CCT8: variants seen among roughly 807,000 people sequenced by gnomAD.
CCT8 encodes the protein T-complex protein 1 subunit theta.
Under a neutral mutation model 65.7 loss-of-function variants are expected in CCT8, and 10 were observed. The ratio of observed to expected loss-of-function variants is 0.15; its 90% CI spans 0.09 to 0.26. The LOEUF is 0.26. CCT8 is among the 10% of genes least tolerant of loss of function. The probability of loss-of-function intolerance (pLI) is 1.00; values close to 1 mark genes in which losing one functional copy is unlikely to be tolerated. For missense variants in CCT8, 568 were observed against 669.1 expected (o/e 0.85, Z 1.67); for synonymous variants, 199 against 221.8 (o/e 0.90, Z 0.92).
intron 1 of CCT8, among the ~76,000 whole-genome samples, chr21:29,071,471 C>G (rs2085679605): frequency 6.6e-6 from 1 of 150,968 alleles, no homozygotes; most frequent in South Asian, 2.1e-4. Context: ...TCTCAGCTCA[C>G]TGCAACCTGG....
At chr21:29,071,603 C>T (rs967793375) in intron 1 of CCT8, among the ~76,000 whole-genome samples, 2 of 152,026 alleles carry the variant, frequency 1.3e-5, no homozygotes, top group Non-Finnish European at 2.9e-5. Flanking sequence ...ACCATGTTGG[C>T]CAGGAACTCC....
rs767175745 is a variant in CCT8 at position 29,060,579 on chromosome 21, C to T, written c.1531G>A (p.Ala511Thr). 5 of 1,613,720 alleles carry T rather than the reference C, an allele frequency of 3.1e-6. No individual in the cohort carries two copies. The highest frequency in any genetic ancestry group is 4.2e-6 in the Non-Finnish European group (5 of 1,179,810). Residue 511 changes from alanine to threonine, a missense_variant, in exon 14 of 15, where the codon GCT becomes ACT. Ala to Thr is a moderately conservative substitution (Grantham distance 58). Coordinates refer to ENST00000286788, the MANE Select transcript of CCT8 (RefSeq NM_006585.4). ...YLGKYWAIKLATNAAVTVLRV... is the reference protein window; with the variant it reads ...YLGKYWAIKLTTNAAVTVLRV... Reference sequence around the variant, plus strand: ...AGTACAGTGACTGCAGCATTAGTAGCGAGTTTGATAGCCCAATATTTTCCC... The same window carrying T: ...AGTACAGTGACTGCAGCATTAGTAGTGAGTTTGATAGCCCAATATTTTCCC...
At chr21:29,057,801 CATATGTATGATATATACATATG>C (rs920684039) in intron 14 of CCT8, among the ~76,000 whole-genome samples, 4 of 131,466 alleles carry the variant, frequency 3.0e-5, no homozygotes, top group Non-Finnish European at 6.1e-5. Context: ...ATGATATATA[CATATGTATGATATATACATATG>C]ATATGTGTGA....
chr21:29,073,174 T>C (rs755046963), intron 1 of CCT8: 35 of 780,882 alleles, frequency 4.5e-5, no homozygotes, highest in Non-Finnish European at 5.5e-5. Context: ...CAAGACAATT[T>C]CATCTACGTT....
chr21:29,072,000 G>A (rs1220537639), intron 1 of CCT8: 3 of 692,958 alleles, frequency 4.3e-6, no homozygotes, highest in South Asian at 1.5e-5. Context: ...TGTTGTTGTT[G>A]TTGTTGTTTT....
rs937526007 is a variant in CCT8 at position 29,056,331 on chromosome 21, C to T, written c.*144G>A. 1 of 455,770 alleles carries T rather than the reference C, an allele frequency of 2.2e-6. No individual in the cohort carries two copies. The highest frequency in any genetic ancestry group is 3.8e-6 in the Non-Finnish European group (1 of 260,372). 28.2% of individuals were successfully genotyped at this position (455,770 alleles called of 1,614,324 possible). ...TGGTCATTAGACAATAAGGCTTTGA[C>T]AGTAACAATATGTTTATTATAACAT... On this transcript the variant is annotated 3_prime_UTR_variant, in exon 15 of 15. Transcript: ENST00000286788.
chr21:29,060,740 C>G, intron 13 of CCT8, 80 bp from the exon 14 acceptor site: 2 of 1,447,116 alleles, frequency 1.4e-6, no homozygotes, highest in Non-Finnish European at 1.9e-6. Context: ...CCTCACATAG[C>G]TCCTTAAATA....
chr21:29,069,557 C>T (rs527796862), intron 2 of CCT8, 55 bp from the exon 3 acceptor site: 2 of 1,010,110 alleles, frequency 2.0e-6, no homozygotes, highest in East Asian at 2.6e-5. Context: ...TCAAATCCTT[C>T]CCCAAATACC....
chr21:29,068,490 T>C (rs910134759), intron 3 of CCT8, among the ~76,000 whole-genome samples: 11 of 152,130 alleles, frequency 7.2e-5, no homozygotes, highest in Non-Finnish European at 1.3e-4. Flanking sequence ...GATGGAGTCT[T>C]GCTCTGTCGC....
rs1179148474 is a variant in CCT8, at chr21:29,070,239, G to C, written c.151+8C>G. The C allele has an allele frequency of 6.5e-7, 1 of 1,545,446 alleles. No individual in the cohort carries two copies. Among genetic ancestry groups the C allele is most frequent in the Non-Finnish European group, 8.9e-7 (1 of 1,123,152 alleles). On this transcript the variant is annotated splice_region_variant and intron_variant, in intron 2 of 14. Coordinates refer to ENST00000286788, the MANE Select transcript of CCT8 (RefSeq NM_006585.4). ...CTGTATCTTTACAAATATTAATTTA[G>C]AAATTACCATTTGGTCCATATGCTG... is the stretch of plus-strand genomic sequence containing the variant.
At chr21:29,057,584 A>G (rs1225298535) in intron 14 of CCT8, among the ~76,000 whole-genome samples, 1 of 97,118 alleles carries the variant, frequency 1.0e-5, no homozygotes, top group East Asian at 2.4e-4. Flanking sequence ...TGGGCAACAA[A>G]GTGAGACCTA....
rs927550868 is a variant in CCT8 at position 29,062,703 on chromosome 21, T to G, written c.942-147A>C. The G allele has an allele frequency of 1.8e-5, 12 of 668,026 alleles. No homozygotes were observed. The Admixed American group carries it at 3.3e-4, about 19-fold the overall frequency. The allele number at this position is 668,026 out of a possible 1,614,324, so 41.4% of individuals were successfully genotyped here. A position where few individuals can be genotyped will look rare whatever the true frequency, so the allele number is the denominator to read the frequency against. ...AACTCAGAACATGTCTGGATTGCAATGAACACTAAGGCCAGGAAGCTGATT... is the reference window on the plus strand; with the variant it reads ...AACTCAGAACATGTCTGGATTGCAAGGAACACTAAGGCCAGGAAGCTGATT... On this transcript the variant is annotated intron_variant, in intron 8 of 14. Coordinates refer to ENST00000286788, the MANE Select transcript of CCT8 (RefSeq NM_006585.4).
chr21:29,073,369 G>GC, intron 1 of CCT8, 162 bp downstream of exon 1: 1 of 1,443,260 alleles, frequency 6.9e-7, no homozygotes, highest in Non-Finnish European at 9.1e-7. Context: ...GGCTCCGGTG[G>GC]CCGAGCCCTT....
In CCT8 at chr21:29,061,672, A is replaced by C. The variant is rs931781874; in HGVS notation, c.1213-105T>G. 2.2e-5 allele frequency: 25 copies of C among 1,124,212 alleles called. No homozygotes were observed. The African/African-American group carries it at 3.6e-4, about 16-fold the overall frequency. 69.6% of individuals were successfully genotyped at this position (1,124,212 alleles called of 1,614,324 possible). ...TTCACATTCCAGTACCCCACCAAAC[A>C]GGAGTTTTTATCAGTCATTGTTACT... On this transcript the variant is annotated intron_variant, in intron 11 of 14. Coordinates refer to ENST00000286788, the MANE Select transcript of CCT8 (RefSeq NM_006585.4).
At chr21:29,070,541 T>C (rs965691065) in intron 1 of CCT8, among the ~76,000 whole-genome samples, 1 of 152,198 alleles carries the variant, frequency 6.6e-6, no homozygotes, top group African/African-American at 2.4e-5. Context: ...TTCTTCATTA[T>C]AAAATGAAGT....
At chr21:29,066,450 G>A (rs948423134) in intron 6 of CCT8, among the ~76,000 whole-genome samples, 1 of 151,642 alleles carries the variant, frequency 6.6e-6, no homozygotes, top group East Asian at 2.0e-4. Flanking sequence ...TGGGACTGGA[G>A]AATCACTTGA....
At position 29,070,387 on chromosome 21, in the gene CCT8, A is replaced by C. The variant is rs940814719; in HGVS notation, c.61-50T>G. ...CCCCGCTAATTAGACAGGACAGTGA[A>C]ACAAAAATTTCAAATACAAGATATC... On this transcript the variant is annotated intron_variant, in intron 1 of 14. Transcript: ENST00000286788. The C allele has an allele frequency of 3.4e-6, 4 of 1,167,668 alleles. No homozygotes were observed. In the African/African-American group the frequency reaches 6.2e-5, roughly 18 times the overall value. 72.3% of individuals were successfully genotyped at this position (1,167,668 alleles called of 1,614,324 possible). A position where few individuals can be genotyped will look rare whatever the true frequency, so the allele number is the denominator to read the frequency against.
At position 29,066,796 on chromosome 21, in the gene CCT8, AT is replaced by A; in HGVS notation, c.563-20del. The A allele has an allele frequency of 1.9e-6, 3 of 1,589,852 alleles. No homozygotes were observed. The highest frequency in any genetic ancestry group is 2.6e-6 in the Non-Finnish European group (3 of 1,165,352). On this transcript the variant is annotated intron_variant, in intron 5 of 14. Coordinates refer to ENST00000286788, the MANE Select transcript of CCT8 (RefSeq NM_006585.4). ...ATAGATACTGTTAAGAAAATGAGAC[AT>A]ATCAAAAGATTATTTTGGGACAACA...
chr21:29,065,915 T>C (rs2085616349), intron 6 of CCT8, among the ~76,000 whole-genome samples: 1 of 151,924 alleles, frequency 6.6e-6, no homozygotes, highest in Non-Finnish European at 1.5e-5. Context: ...ACCCTGCCTC[T>C]ACTAAAAAAA....
Sources: gnomAD v4.1 joint callset for allele counts (sites outside exome capture counted in the v4.1 genomes callset) on GRCh38, gnomAD v4.1.1 for gene constraint, MANE v1.5 for transcripts, NCBI Gene and HGNC (gene_info 2026-07-23, HGNC 2026-07-21) for gene names.